The following FBXL4 variants were observed in gnomAD, a reference collection of about 807,000 sequenced individuals.
FBXL4 encodes F-box/LRR-repeat protein 4.
In FBXL4, 40 loss-of-function variants were observed where a neutral mutation model predicts 58.9. That is an observed-to-expected ratio of 0.68 (90% CI 0.53 to 0.88). The LOEUF is 0.88. Among genes scored for constraint, FBXL4 ranks in the 40% least tolerant of loss-of-function variants. The pLI, the probability that FBXL4 is intolerant of heterozygous loss-of-function variation, is 0.00. For synonymous variants in FBXL4, 263 were observed against 265.5 expected (o/e 0.99, Z 0.09); for missense variants, 676 against 734.4 (o/e 0.92, Z 0.92).
intron 1 of FBXL4, among the ~76,000 whole-genome samples, chr6:98,947,224 C>A (rs922587694): frequency 1.3e-5 from 2 of 152,254 alleles, no homozygotes; most frequent in African/African-American, 4.8e-5. Flanking sequence ...TCCAAAACCA[C>A]CCGTTATAAA....
intron 7 of FBXL4, among the ~76,000 whole-genome samples, chr6:98,897,775 T>G (rs1166883010): frequency 2.6e-5 from 4 of 152,164 alleles, no homozygotes; most frequent in Admixed American, 6.5e-5. Flanking sequence ...ACAAAAGGCA[T>G]CCTTGCTTTA....
rs1293141315 is a variant in FBXL4, at chr6:98,872,079, T to G, written c.*2199A>C. 6.6e-6 allele frequency: 1 copy of G among 152,198 alleles called. No homozygotes were observed. The highest frequency in any genetic ancestry group is 1.5e-5 in the Non-Finnish European group (1 of 68,034). 9.4% of individuals were successfully genotyped at this position (152,198 alleles called of 1,614,324 possible). On this transcript the variant is annotated 3_prime_UTR_variant, in exon 10 of 10. Coordinates refer to ENST00000369244, the MANE Select transcript of FBXL4 (RefSeq NM_001278716.2). ...AGTAACAACAAGCTGCTTTACACAT[T>G]TCCTGTGCTATCAAAAGGTAAGACA...
chr6:98,941,953 G>T (rs1773447800), intron 1 of FBXL4, among the ~76,000 whole-genome samples: 1 of 151,624 alleles, frequency 6.6e-6, no homozygotes, highest in Non-Finnish European at 1.5e-5. Context: ...TAGAAGAGGT[G>T]GTGACTGAAA....
At chr6:98,946,365 A>G (rs1562256651) in intron 1 of FBXL4, among the ~76,000 whole-genome samples, 1 of 152,210 alleles carries the variant, frequency 6.6e-6, no homozygotes, top group African/African-American at 2.4e-5. Flanking sequence ...ACAATACTAG[A>G]AGAAAACGGA....
intron 7 of FBXL4, chr6:98,898,611 G>GAA: frequency 5.5e-6 from 5 of 905,412 alleles, no homozygotes; most frequent in Non-Finnish European, 6.6e-6. Flanking sequence ...TCTCAAAAAA[G>GAA]AAAAAAAAAA....
intron 1 of FBXL4, among the ~76,000 whole-genome samples, chr6:98,946,833 T>G (rs752973163): frequency 1.3e-5 from 2 of 152,220 alleles, no homozygotes; most frequent in African/African-American, 2.4e-5. Flanking sequence ...TAAAGGACTA[T>G]TGGAGCGCTG....
chr6:98,928,981 C>T (rs1247127167), intron 2 of FBXL4, among the ~76,000 whole-genome samples: 1 of 152,088 alleles, frequency 6.6e-6, no homozygotes, highest in African/African-American at 2.4e-5. Flanking sequence ...TACCTTAGTT[C>T]CACTAGGGTT....
chr6:98,931,496 A>AT (rs1300364183), intron 2 of FBXL4, among the ~76,000 whole-genome samples: 13 of 152,158 alleles, frequency 8.5e-5, no homozygotes, highest in Admixed American at 8.5e-4. Flanking sequence ...TTTAATGCTA[A>AT]TTTTTTCAGG....
chr6:98,940,097 T>C (rs988816031), intron 1 of FBXL4, among the ~76,000 whole-genome samples: 2 of 152,202 alleles, frequency 1.3e-5, no homozygotes, highest in Non-Finnish European at 2.9e-5. Context: ...TTTGAAAAAG[T>C]TTAATTTTTT....
chr6:98,898,410 T>G, intron 7 of FBXL4: 1 of 985,268 alleles, frequency 1.0e-6, no homozygotes, highest in Middle Eastern at 5.2e-4. Context: ...TGTAAAACCA[T>G]GCACAGGCTC....
In FBXL4 at chr6:98,926,503, A is replaced by T. The variant is rs1562245046; in HGVS notation, c.486T>A (p.Tyr162Ter). Residue 162 changes from tyrosine to a stop codon, truncating the protein, a stop_gained, in exon 4 of 10, where the codon TAT (tyrosine) becomes TAA (stop). Transcript: ENST00000369244. LOFTEE classifies it high-confidence loss of function. ...TTACTTCAGCTGGTGGATTTGGGGA[A>T]TAAGGATTTGCAGAACAAGCGAGAA... ...IRILACSANP[Y>*]SPNPPAEVRW... 14 of 1,610,406 alleles carry T rather than the reference A, an allele frequency of 8.7e-6. No individual in the cohort carries two copies. The highest frequency in any genetic ancestry group is 1.0e-5 in the Non-Finnish European group (12 of 1,177,246).
At chr6:98,880,903 G>C (rs1488264704) in intron 7 of FBXL4, among the ~76,000 whole-genome samples, 1 of 151,890 alleles carries the variant, frequency 6.6e-6, no homozygotes, top group Non-Finnish European at 1.5e-5. Flanking sequence ...TGACCTCTCG[G>C]TTCATTTCCC....
chr6:98,904,931 C>A (rs578139686), intron 6 of FBXL4, among the ~76,000 whole-genome samples: 2 of 152,098 alleles, frequency 1.3e-5, no homozygotes, highest in African/African-American at 4.8e-5. Context: ...CAAGTGTGGT[C>A]GTCTATTTAG....
rs5878565 is a variant in FBXL4, at chr6:98,875,123, C to CT, written c.1702+291_1702+292insA. Reference sequence around the variant, plus strand: ...TTCTCTCCTTAATAAAAATAGAGAGCGCAGCTCATGTAAATTCTCACTCTT... The same window carrying CT: ...TTCTCTCCTTAATAAAAATAGAGAGCTGCAGCTCATGTAAATTCTCACTCTT... On this transcript the variant is annotated intron_variant, in intron 9 of 9. Coordinates refer to ENST00000369244, the MANE Select transcript of FBXL4 (RefSeq NM_001278716.2). 0.34 allele frequency: 120,500 copies of CT among 355,052 alleles called. 21,984 individuals carry two copies. The highest frequency in any genetic ancestry group is 0.38 in the African/African-American group (17,697 of 46,574). The allele number at this position is 355,052 out of a possible 1,614,324, so 22.0% of individuals were successfully genotyped here. A position where few individuals can be genotyped will look rare whatever the true frequency, so the allele number is the denominator to read the frequency against.
intron 5 of FBXL4, among the ~76,000 whole-genome samples, chr6:98,911,158 G>C (rs989731938): frequency 6.6e-6 from 1 of 152,202 alleles, no homozygotes; most frequent in Non-Finnish European, 1.5e-5. Flanking sequence ...GCTCACTTAG[G>C]TAAACAAAGC....
At chr6:98,925,888 A>C (rs754524754) in intron 4 of FBXL4, among the ~76,000 whole-genome samples, 1 of 152,226 alleles carries the variant, frequency 6.6e-6, no homozygotes, top group Non-Finnish European at 1.5e-5. Context: ...TACATGTGAG[A>C]CTGCATTATA....
chr6:98,911,571 G>C (rs1453742051), intron 5 of FBXL4, among the ~76,000 whole-genome samples: 1 of 152,160 alleles, frequency 6.6e-6, no homozygotes, highest in Non-Finnish European at 1.5e-5. Context: ...AGGCAAACAG[G>C]GTCCGGAGTG....
chr6:98,891,516 C>T (rs1582383350), intron 7 of FBXL4, among the ~76,000 whole-genome samples: 1 of 151,960 alleles, frequency 6.6e-6, no homozygotes, highest in African/African-American at 2.4e-5. Context: ...ATAATATAGT[C>T]GAATACATCT....
chr6:98,886,659 G>A (rs989824492), intron 7 of FBXL4, among the ~76,000 whole-genome samples: 3 of 152,142 alleles, frequency 2.0e-5, no homozygotes, highest in Non-Finnish European at 4.4e-5. Flanking sequence ...CTAGAACCAG[G>A]ACTTCTGCTG....
Sources: allele counts gnomAD v4.1 joint callset (sites outside exome capture counted in the v4.1 genomes callset), GRCh38; gene constraint gnomAD v4.1.1; transcripts MANE v1.5; gene names NCBI Gene and HGNC (gene_info 2026-07-23, HGNC 2026-07-21).